Variants in PPP1R9A observed in about 807,000 individuals in gnomAD.
PPP1R9A encodes neurabin-1.
Under a neutral mutation model 141.9 loss-of-function variants are expected in PPP1R9A, and 59 were observed. That is an observed-to-expected ratio of 0.42 (90% CI 0.34 to 0.52). The LOEUF (loss-of-function observed/expected upper bound fraction) is 0.52, where lower values mean the gene tolerates loss of function less well. Among genes scored for constraint, PPP1R9A ranks in the 20% least tolerant of loss-of-function variants. The pLI is 0.10. For synonymous variants in PPP1R9A, 500 were observed against 569.7 expected, an observed-to-expected ratio of 0.88 and a Z score of 1.74; for missense variants, 1,444 against 1,611.9, an observed-to-expected ratio of 0.90 and a Z score of 1.78.
chr7:95,189,428 T>G (rs1241574133), intron 5 of PPP1R9A, among the ~76,000 whole-genome samples: 1 of 149,112 alleles, frequency 6.7e-6, no homozygotes, highest in Non-Finnish European at 1.5e-5. Context: ...GAGGGTTTGT[T>G]TATTCTTTTT....
chr7:95,167,350 TTGAAGA>T (rs1205268253), intron 5 of PPP1R9A, among the ~76,000 whole-genome samples: 1 of 152,134 alleles, frequency 6.6e-6, no homozygotes, highest in Admixed American at 6.6e-5. Flanking sequence ...GGCGTAACAA[TTGAAGA>T]TGAGATTTGG....
intron 5 of PPP1R9A, among the ~76,000 whole-genome samples, chr7:95,178,843 T>C (rs2520449): frequency 0.6 from 90,449 of 151,848 alleles, 27,320 homozygotes; most frequent in African/African-American, 0.69. Context: ...TTAGATACCC[T>C]GAACACTCCA....
chr7:95,073,624 G>GTT lies in PPP1R9A; in HGVS notation c.1396-37614_1396-37613dup, dbSNP rs36077129. ...TCAATGCAATACCTGAAAGAAATAA[G>GTT]TTTTTTTTTTTTTTTTTTTTTTGTC... On this transcript the variant is annotated intron_variant, in intron 2 of 19. Transcript: ENST00000433360. Among the ~76,000 whole-genome samples the GTT allele has an allele frequency of 3.1e-3, 331 of 105,550 alleles. 7 individuals carry two copies. The highest frequency in any genetic ancestry group is 5.4e-3 in the African/African-American group (154 of 28,374). The allele number at this position is 105,550 out of a possible 152,430, so 69.2% of individuals were successfully genotyped here.
intron 2 of PPP1R9A, among the ~76,000 whole-genome samples, chr7:95,093,879 G>GT (rs1183085553): frequency 1.3e-5 from 2 of 151,826 alleles, no homozygotes; most frequent in African/African-American, 2.4e-5. Context: ...CTTTTCTTTT[G>GT]TTCAGAAGTG....
chr7:94,914,563 T>C (rs1186966710), intron 2 of PPP1R9A, among the ~76,000 whole-genome samples: 1 of 152,206 alleles, frequency 6.6e-6, no homozygotes, highest in East Asian at 1.9e-4. Context: ...AATATTAGAA[T>C]GGGATTAATA....
intron 7 of PPP1R9A, among the ~76,000 whole-genome samples, chr7:95,213,200 G>A (rs1384488296): frequency 1.3e-5 from 2 of 151,966 alleles, no homozygotes; most frequent in Admixed American, 6.6e-5. Flanking sequence ...GTATCATTGG[G>A]AGACAGTATG....
intron 2 of PPP1R9A, among the ~76,000 whole-genome samples, chr7:95,044,902 C>G (rs1043246546): frequency 1.1e-4 from 17 of 151,464 alleles, no homozygotes; most frequent in African/African-American, 2.9e-4. Flanking sequence ...TAGTTTGACC[C>G]AGTTTTTGTT....
chr7:95,257,340 G>A (rs551303495), intron 12 of PPP1R9A, among the ~76,000 whole-genome samples: 127 of 152,160 alleles, frequency 8.3e-4, no homozygotes, highest in Admixed American at 7.9e-4. Context: ...GCAGTTCTGT[G>A]GGTAAAGGAT....
At chr7:95,218,137 A>C (rs1585309295) in intron 7 of PPP1R9A, among the ~76,000 whole-genome samples, 1 of 149,736 alleles carries the variant, frequency 6.7e-6, no homozygotes, top group Admixed American at 6.7e-5. Context: ...TACACACTGC[A>C]AATGTGTCCC....
Position 95,203,596 on chromosome 7 carries a change from A to G in PPP1R9A, c.1891-69A>G, listed in dbSNP as rs184946942. Reference sequence around the variant, plus strand: ...AAGCACTGGGACTCAGTGTTTTTCAATCCTTTATCAGGCTGCTCTCTGCGG... The same window carrying G: ...AAGCACTGGGACTCAGTGTTTTTCAGTCCTTTATCAGGCTGCTCTCTGCGG... On this transcript the variant is annotated intron_variant, in intron 6 of 19. Transcript: ENST00000433360. 85 of 1,203,498 alleles carry G rather than the reference A, an allele frequency of 7.1e-5. No homozygotes were observed. The Middle Eastern group carries it at 7.7e-4, about 11-fold the overall frequency. The allele number at this position is 1,203,498 out of a possible 1,614,324, so 74.6% of individuals were successfully genotyped here.
At chr7:95,155,100 T>C (rs906315899) in intron 4 of PPP1R9A, 1 of 151,688 alleles carries the variant, frequency 6.6e-6, no homozygotes, top group Non-Finnish European at 1.5e-5. Context: ...AAATGAAAAA[T>C]TCAAAATTTA....
At chr7:95,285,546 G>A (rs1400358884) in intron 17 of PPP1R9A, among the ~76,000 whole-genome samples, 1 of 152,078 alleles carries the variant, frequency 6.6e-6, no homozygotes. Context: ...TTATTTACAC[G>A]CTCCCACCTC....
intron 2 of PPP1R9A, among the ~76,000 whole-genome samples, chr7:95,038,482 G>A (rs1039403962): frequency 7.2e-5 from 11 of 152,094 alleles, no homozygotes; most frequent in African/African-American, 2.7e-4. Context: ...TTCCCTCATG[G>A]CCCTGGTGGG....
intron 9 of PPP1R9A, 68 bp from the exon 10 acceptor site, chr7:95,249,958 A>T (rs969493269): frequency 1.2e-5 from 18 of 1,477,098 alleles, no homozygotes; most frequent in African/African-American, 1.1e-4. Context: ...ACAACATGCT[A>T]TAAAAATGAG....
At chr7:95,041,192 G>T (rs1312185904) in intron 2 of PPP1R9A, among the ~76,000 whole-genome samples, 1 of 152,128 alleles carries the variant, frequency 6.6e-6, no homozygotes, top group Admixed American at 6.6e-5. Context: ...ATGGAGAATA[G>T]CCCAGCTGCA....
intron 12 of PPP1R9A, among the ~76,000 whole-genome samples, chr7:95,263,403 T>C (rs1800726232): frequency 6.9e-6 from 1 of 145,676 alleles, no homozygotes; most frequent in South Asian, 2.2e-4. Flanking sequence ...AGGAAGTATA[T>C]CTTTCCAGTT....
chr7:95,274,288 G>A, intron 16 of PPP1R9A, 120 bp downstream of exon 16: 1 of 908,830 alleles, frequency 1.1e-6, no homozygotes, highest in Non-Finnish European at 1.6e-6. Context: ...GCCAAGAATT[G>A]AGATGGAAGA....
rs371024679 is a variant in PPP1R9A at position 95,101,625 on chromosome 7, A to C, written c.1396-9634A>C. Among the ~76,000 whole-genome samples, 3 of 152,322 alleles carry C rather than the reference A, an allele frequency of 2.0e-5. No homozygotes were observed. In the South Asian group the frequency reaches 6.2e-4, roughly 32 times the overall value. On this transcript the variant is annotated intron_variant, in intron 2 of 19. Coordinates refer to ENST00000433360, the MANE Select transcript of PPP1R9A (RefSeq NM_001166160.2). The stretch of plus-strand genomic sequence containing the variant: ...TTACATAGCCCCACCCCAAGGCAAC[A>C]AAGGGTAAAGAAAGAAAATACCCTT...
rs185373969 is a variant in PPP1R9A, at chr7:94,969,571, G to A, written c.1395+58063G>A. ...TGCCAGTCAGATCTCTCCTGTATGA[G>A]GTATCTGTCGACCCCTGCTGGGAGG... On this transcript the variant is annotated intron_variant, in intron 2 of 19. Transcript: ENST00000433360. 3.9e-5 allele frequency among the ~76,000 whole-genome samples: 6 copies of A among 152,206 alleles called. No individual in the cohort carries two copies. The East Asian group carries it at 1.2e-3, about 30-fold the overall frequency.
Sources: allele counts gnomAD v4.1 joint callset (sites outside exome capture counted in the v4.1 genomes callset), GRCh38; gene constraint gnomAD v4.1.1; transcripts MANE v1.5; gene names NCBI Gene and HGNC (gene_info 2026-07-23, HGNC 2026-07-21).